FBLIM1: variants seen among roughly 807,000 people sequenced by gnomAD.
FBLIM1 encodes the protein filamin-binding LIM protein 1.
Under a neutral mutation model 37.4 loss-of-function variants are expected in FBLIM1, and 29 were observed. That is an observed-to-expected ratio of 0.77 (90% CI 0.58 to 1.06). FBLIM1 has a LOEUF of 1.06. FBLIM1 is among the 50% of genes least tolerant of loss of function. The probability of loss-of-function intolerance (pLI) is 0.00; values close to 1 mark genes in which losing one functional copy is unlikely to be tolerated. For missense variants in FBLIM1, 449 were observed against 505.6 expected (o/e 0.89, Z 1.07); for synonymous variants, 193 against 199.0 (o/e 0.97, Z 0.25).
intron 6 of FBLIM1, among the ~76,000 whole-genome samples, chr1:15,773,057 A>G (rs1277152554): frequency 6.6e-6 from 1 of 151,874 alleles, no homozygotes; most frequent in African/African-American, 2.4e-5. Flanking sequence ...AAGTCCAGGG[A>G]TTACAGGCAT....
intron 1 of FBLIM1, among the ~76,000 whole-genome samples, chr1:15,760,092 C>T (rs1222463890): frequency 6.6e-6 from 1 of 151,644 alleles, no homozygotes; most frequent in Non-Finnish European, 1.5e-5. Flanking sequence ...GGTGTGGTGG[C>T]GCGCGCCTGT....
intron 8 of FBLIM1, among the ~76,000 whole-genome samples, chr1:15,777,804 C>T (rs1447104002): frequency 6.6e-6 from 1 of 152,060 alleles, no homozygotes; most frequent in South Asian, 2.1e-4. Flanking sequence ...AACTCCTGAC[C>T]TCAGGTGATC....
intron 7 of FBLIM1, chr1:15,776,887 A>C: frequency 3.8e-6 from 1 of 266,200 alleles, no homozygotes; most frequent in Non-Finnish European, 7.0e-6. Context: ...AAAAAAAAAG[A>C]AGTACTGAAA....
At chr1:15,777,660 A>G (rs1395210902) in intron 8 of FBLIM1, among the ~76,000 whole-genome samples, 3 of 144,040 alleles carry the variant, frequency 2.1e-5, no homozygotes. Flanking sequence ...TGCAACCTCT[A>G]CCTCCAGGGT....
chr1:15,777,265 A>G lies in FBLIM1; in HGVS notation c.986A>G (p.His329Arg), dbSNP rs770073626. Residue 329 changes from histidine (H) to arginine (R), a missense_variant, in exon 8 of 9, where the codon CAT becomes CGT. By Grantham distance (29) the His-to-Arg change is conservative. Transcript: ENST00000375766. ...ATCGAATGCATGGGAAGAAACTTCC[A>G]TGAAAATTGCTACAGGTGTGAGGTG... ...FKIECMGRNF[H>R]ENCYRCEDCR... is the part of the protein sequence containing the mutation. 4.3e-6 allele frequency: 7 copies of G among 1,613,126 alleles called. No individual in the cohort carries two copies. The Admixed American group carries it at 1.2e-4, about 27-fold the overall frequency.
chr1:15,759,112 C>A (rs2148427662), intron 1 of FBLIM1, among the ~76,000 whole-genome samples: 1 of 152,148 alleles, frequency 6.6e-6, no homozygotes, highest in South Asian at 2.1e-4. Flanking sequence ...CGAGTCCCAG[C>A]CCGGGAGCGG....
intron 6 of FBLIM1, among the ~76,000 whole-genome samples, chr1:15,774,365 CA>C (rs1468230214): frequency 6.6e-6 from 1 of 152,182 alleles, no homozygotes; most frequent in Non-Finnish European, 1.5e-5. Context: ...AAACATATCC[CA>C]GTAACAAGAA....
intron 5 of FBLIM1, 102 bp downstream of exon 5, chr1:15,768,732 C>T (rs1253808580): frequency 2.8e-6 from 2 of 718,152 alleles, no homozygotes; most frequent in Non-Finnish European, 2.1e-6. Flanking sequence ...CCCATCCCCA[C>T]CCCAGCTCAT....
chr1:15,771,907 C>G (rs772838894), intron 6 of FBLIM1, among the ~76,000 whole-genome samples: 17 of 151,892 alleles, frequency 1.1e-4, no homozygotes, highest in Non-Finnish European at 2.4e-4. Context: ...TTGCCACTAT[C>G]TCCCCTAGAG....
chr1:15,762,079 G>C lies in FBLIM1; in HGVS notation c.-210-2417G>C, dbSNP rs185225219. 3.5e-3 allele frequency among the ~76,000 whole-genome samples: 524 copies of C among 151,434 alleles called. 4 individuals are homozygous for C. Among genetic ancestry groups the C allele is most frequent in the African/African-American group, 0.012 (508 of 41,274 alleles). On this transcript the variant is annotated intron_variant, in intron 1 of 8. Transcript: ENST00000375766. ...GTATCAGGGTGCCACCATGCTCTCT[G>C]ATTTATGCTTTTCTTTTTTTTTTTT...
chr1:15,784,105 C>T (rs138852991), intron 8 of FBLIM1, among the ~76,000 whole-genome samples: 3,021 of 152,276 alleles, frequency 0.02, 47 homozygotes, highest in Non-Finnish European at 0.032. Flanking sequence ...CGCTTGAACC[C>T]GGGAAGCAGA....
At chr1:15,775,769 G>A (rs2069468533) in intron 7 of FBLIM1, among the ~76,000 whole-genome samples, 1 of 152,008 alleles carries the variant, frequency 6.6e-6, no homozygotes, top group Admixed American at 6.6e-5. Context: ...GTAGAAATTC[G>A]GCTGGAGGAA....
At chr1:15,760,409 G>A (rs1045068961) in intron 1 of FBLIM1, among the ~76,000 whole-genome samples, 1 of 151,688 alleles carries the variant, frequency 6.6e-6, no homozygotes, top group African/African-American at 2.4e-5. Flanking sequence ...GTGTGCCTGT[G>A]GTCCCAGCTA....
chr1:15,770,810 G>A (rs999860919), intron 6 of FBLIM1, among the ~76,000 whole-genome samples: 6 of 152,212 alleles, frequency 3.9e-5, no homozygotes, highest in Non-Finnish European at 8.8e-5. Flanking sequence ...CGTTTATTCT[G>A]TCCCAGTTCG....
intron 1 of FBLIM1, among the ~76,000 whole-genome samples, chr1:15,763,784 T>A (rs909006128): frequency 6.6e-6 from 1 of 151,538 alleles, no homozygotes; most frequent in Non-Finnish European, 1.5e-5. Context: ...GGATTACAGG[T>A]GCCCACCACC....
At chr1:15,766,444 C>A (rs957068691) in intron 3 of FBLIM1, among the ~76,000 whole-genome samples, 11 of 151,506 alleles carry the variant, frequency 7.3e-5, no homozygotes, top group African/African-American at 2.4e-4. Context: ...TTACAGGCGC[C>A]CACCATCACA....
At chr1:15,784,458 G>A in intron 8 of FBLIM1, 90 bp from the exon 9 acceptor site, 1 of 997,616 alleles carries the variant, frequency 1.0e-6, no homozygotes, top group Admixed American at 2.0e-5. Flanking sequence ...TCATGCAGTT[G>A]GTTTATTCGG....
chr1:15,782,701 C>A (rs1299778567), intron 8 of FBLIM1, among the ~76,000 whole-genome samples: 5 of 151,990 alleles, frequency 3.3e-5, no homozygotes, highest in Non-Finnish European at 1.5e-5. Flanking sequence ...GGAGGAGACA[C>A]ACAGGGGTGC....
At chr1:15,768,492 G>A (rs1210742335) in intron 4 of FBLIM1, 36 bp from the exon 5 acceptor site, 3 of 1,410,358 alleles carry the variant, frequency 2.1e-6, no homozygotes, top group Middle Eastern at 1.9e-4. Context: ...GCTGCATGGG[G>A]TCCCACTGGA....
Sources: allele counts gnomAD v4.1 joint callset (sites outside exome capture counted in the v4.1 genomes callset), GRCh38; gene constraint gnomAD v4.1.1; transcripts MANE v1.5; gene names NCBI Gene and HGNC (gene_info 2026-07-23, HGNC 2026-07-21).